Variants in UBR1 observed in about 807,000 individuals in gnomAD.
UBR1 encodes E3 ubiquitin-protein ligase UBR1.
Under a neutral mutation model 242.1 loss-of-function variants are expected in UBR1, and 102 were observed. The observed-to-expected ratio is 0.42, with a 90% CI of 0.36 to 0.50. UBR1 has a LOEUF of 0.50. UBR1 is among the 20% of genes least tolerant of loss of function. UBR1 has a pLI of 0.01. For missense variants in UBR1, 1,772 were observed against 2,101.8 expected, an observed-to-expected ratio of 0.84 and a Z score of 3.07; for synonymous variants, 675 against 684.8, an observed-to-expected ratio of 0.99 and a Z score of 0.22.
intron 1 of UBR1, among the ~76,000 whole-genome samples, chr15:43,094,621 G>A (rs186870834): frequency 2.6e-5 from 4 of 152,068 alleles, no homozygotes; most frequent in African/African-American, 7.2e-5. Flanking sequence ...TTAAAGTGCA[G>A]ACAACTAAAA....
Position 43,015,847 on chromosome 15 carries a change from G to A in UBR1, c.3050C>T (p.Ala1017Val). Residue 1017 changes from alanine to valine, a missense_variant, in exon 29 of 47, where the codon GCA becomes GTA. Transcript: ENST00000290650. ...NDEITHDKEK[A>V]ERKRKAEAAR... ...AGCTTCAGCTTTTCTTTTTCGTTCT[G>A]CTTTTTCTTTATCATGAGTAATCTG... 6.2e-7 allele frequency: 1 copy of A among 1,613,926 alleles called. No individual in the cohort carries two copies. The highest frequency in any genetic ancestry group is 8.5e-7 in the Non-Finnish European group (1 of 1,179,988).
intron 27 of UBR1, among the ~76,000 whole-genome samples, chr15:43,019,562 T>C (rs2033076205): frequency 6.6e-6 from 1 of 150,524 alleles, no homozygotes; most frequent in East Asian, 2.0e-4. Context: ...GTGCAGAAGC[T>C]CCATAATCCT....
At chr15:43,031,016 G>T (rs775325873) in intron 20 of UBR1, among the ~76,000 whole-genome samples, 9 of 152,130 alleles carry the variant, frequency 5.9e-5, no homozygotes, top group Non-Finnish European at 1.0e-4. Flanking sequence ...AGATCACGTA[G>T]GTTACCTCCA....
At chr15:43,003,485 A>T (rs2032757678) in intron 31 of UBR1, 1 of 342,628 alleles carries the variant, frequency 2.9e-6, no homozygotes, top group Admixed American at 4.1e-5. Flanking sequence ...CAAACTCCTG[A>T]CCTCAGGTGA....
chr15:42,952,209 T>C (rs765414509), intron 45 of UBR1, 69 bp downstream of exon 45: 10 of 1,592,966 alleles, frequency 6.3e-6, no homozygotes, highest in Admixed American at 1.7e-5. Flanking sequence ...TGTCCCACCA[T>C]AGTGACCCCC....
intron 1 of UBR1, among the ~76,000 whole-genome samples, chr15:43,088,860 T>A (rs2034071190): frequency 1.3e-5 from 2 of 151,872 alleles, no homozygotes; most frequent in Admixed American, 1.3e-4. Flanking sequence ...AAAAAACTTT[T>A]AAAAAATCTA....
Position 43,077,678 on chromosome 15 carries a change from A to T in UBR1, c.418-2589T>A, listed in dbSNP as rs1314599541. ...AAAAAAATCTGAGAAAAAAAAAAAT[A>T]AAAATAAAAATAAAATAAAAAAACT... On this transcript the variant is annotated intron_variant, in intron 3 of 46. Coordinates refer to ENST00000290650, the MANE Select transcript of UBR1 (RefSeq NM_174916.3). 8.7e-3 allele frequency among the ~76,000 whole-genome samples: 1,320 copies of T among 150,898 alleles called. 12 individuals are homozygous for T. The highest frequency in any genetic ancestry group is 0.031 in the African/African-American group (1,250 of 40,858).
At position 43,003,901 on chromosome 15, in the gene UBR1, C is replaced by G. The variant is rs994453837; in HGVS notation, c.3445G>C (p.Asp1149His). The G allele has an allele frequency of 3.7e-6, 6 of 1,613,934 alleles. No homozygotes were observed. Among genetic ancestry groups the G allele is most frequent in the Non-Finnish European group, 5.1e-6 (6 of 1,180,024 alleles). The change falls in exon 31 of 47, where the codon GAC becomes CAC. Residue 1149 changes from aspartate to histidine, a missense_variant. Transcript: ENST00000290650. ...CCTGTATAAGTTCCATATGCCAAGT[C>G]TGGATCCATGAAAAGTGGGTCTAGG... ...EALDPLFMDPDLAYGTYTGSC... is the reference protein window; with the variant it reads ...EALDPLFMDPHLAYGTYTGSC...
chr15:43,105,854 G>C, intron 1 of UBR1, 88 bp downstream of exon 1: 1 of 1,309,902 alleles, frequency 7.6e-7, no homozygotes, highest in Non-Finnish European at 1.1e-6. Context: ...CCCCAGAGCC[G>C]CCATAAGGGG....
intron 32 of UBR1, 125 bp from the exon 33 acceptor site, chr15:42,998,390 CT>C: frequency 1.2e-6 from 1 of 838,830 alleles, no homozygotes. Flanking sequence ...GATTAATTTC[CT>C]AGGTCACAGA....
In UBR1 at chr15:43,086,157, C is replaced by T. The variant is rs1177562942; in HGVS notation, c.165G>A (p.Met55Ile). 2.5e-6 allele frequency: 4 copies of T among 1,613,954 alleles called. No homozygotes were observed. Among genetic ancestry groups the T allele is most frequent in the Non-Finnish European group, 3.4e-6 (4 of 1,179,990 alleles). The change falls in exon 2 of 47, where the codon ATG (methionine) becomes ATA (isoleucine). Residue 55 changes from methionine (M) to isoleucine (I), a missense_variant. Met to Ile is a conservative substitution (Grantham distance 10, BLOSUM62 1). Around this residue, in one of 3 missense-constraint regions of UBR1, gnomAD observed 734 missense variants for 893.3 expected, o/e 0.82. Coordinates refer to ENST00000290650, the MANE Select transcript of UBR1 (RefSeq NM_174916.3). ...CCTCCTGCTTTTCCAAGTCTGGGTC[C>T]ATTTCAGCAAAGTAAATTTCTGGCA... ...QLVPEIYFAEMDPDLEKQEES... is the reference protein window; with the variant it reads ...QLVPEIYFAEIDPDLEKQEES...
intron 12 of UBR1, among the ~76,000 whole-genome samples, chr15:43,050,228 A>C (rs995019883): frequency 7.2e-5 from 11 of 152,080 alleles, no homozygotes; most frequent in African/African-American, 2.2e-4. Flanking sequence ...GAGCCAACGC[A>C]ATCAGCCCCA....
intron 46 of UBR1, among the ~76,000 whole-genome samples, chr15:42,947,984 C>T (rs2031765710): frequency 6.6e-6 from 1 of 152,158 alleles, no homozygotes; most frequent in Non-Finnish European, 1.5e-5. Flanking sequence ...CAAGTCAATC[C>T]TAAGCCAAAA....
chr15:43,049,185 CA>C (rs1311471538), intron 12 of UBR1, among the ~76,000 whole-genome samples: 2 of 152,166 alleles, frequency 1.3e-5, no homozygotes, highest in Admixed American at 1.3e-4. Flanking sequence ...GGAACATAAA[CA>C]TGGACACACC....
chr15:42,976,065 T>G (rs2032283820), intron 39 of UBR1, among the ~76,000 whole-genome samples: 1 of 152,210 alleles, frequency 6.6e-6, no homozygotes, highest in African/African-American at 2.4e-5. Context: ...AGAAAAACTG[T>G]ATCATCATTC....
intron 30 of UBR1, among the ~76,000 whole-genome samples, chr15:43,004,994 C>T (rs991603404): frequency 2.0e-5 from 3 of 151,900 alleles, no homozygotes; most frequent in Non-Finnish European, 4.4e-5. Flanking sequence ...CACGCCGCCC[C>T]ATCTGGGATG....
intron 1 of UBR1, among the ~76,000 whole-genome samples, chr15:43,101,945 C>T (rs982637483): frequency 2.5e-5 from 3 of 121,108 alleles, no homozygotes; most frequent in Non-Finnish European, 4.8e-5. Flanking sequence ...CCAGCCTTGG[C>T]GACAGAGAGA....
intron 12 of UBR1, among the ~76,000 whole-genome samples, chr15:43,053,269 T>C (rs149477292): frequency 2.0e-5 from 3 of 152,308 alleles, no homozygotes; most frequent in African/African-American, 7.2e-5. Flanking sequence ...TCTAAATTAT[T>C]CACCGTAGAG....
intron 42 of UBR1, among the ~76,000 whole-genome samples, chr15:42,963,205 ACC>A (rs1430642617): frequency 6.6e-6 from 1 of 152,148 alleles, no homozygotes; most frequent in Non-Finnish European, 1.5e-5. Flanking sequence ...AACACAGAGA[ACC>A]CACTGCACAA....
Sources: gnomAD v4.1 joint callset for allele counts (sites outside exome capture counted in the v4.1 genomes callset) on GRCh38, gnomAD v4.1.1 for gene constraint, gnomAD v4.1.1 regional missense constraint, MANE v1.5 for transcripts, NCBI Gene and HGNC (gene_info 2026-07-23, HGNC 2026-07-21) for gene names.